The following WDHD1 variants were observed in gnomAD, a reference collection of about 807,000 sequenced individuals.
WDHD1 encodes WD repeat and HMG-box DNA-binding protein 1.
In WDHD1, 111 loss-of-function variants were observed where a neutral mutation model predicts 135.4. That is an observed-to-expected ratio of 0.82 (90% CI 0.70 to 0.96). The LOEUF (loss-of-function observed/expected upper bound fraction) is 0.96. Ranked by LOEUF, WDHD1 falls within the 40% of genes least tolerant of loss-of-function variation. The pLI is 0.00. For synonymous variants in WDHD1, 434 were observed against 439.0 expected (o/e 0.99, Z 0.14); for missense variants, 1,351 against 1,336.3 (o/e 1.01, Z -0.17).
At position 54,944,452 on chromosome 14, in the gene WDHD1, C is replaced by G. The variant is rs1467003029; in HGVS notation, c.3069G>C (p.Gln1023His). 1 of 1,593,202 alleles carries G rather than the reference C, an allele frequency of 6.3e-7. No homozygotes were observed. The highest frequency in any genetic ancestry group is 8.5e-7 in the Non-Finnish European group (1 of 1,174,776). The change falls in exon 25 of 26, where the codon CAG becomes CAC. Residue 1023 changes from glutamine to histidine, a missense_variant. By Grantham distance (24) the Gln-to-His change is conservative. Around this residue, in one of 2 missense-constraint regions of WDHD1, gnomAD observed 1,330 missense variants for 1,296.1 expected, o/e 1.03. Coordinates refer to ENST00000360586, the MANE Select transcript of WDHD1 (RefSeq NM_007086.4). ...TENQRPKTGF[Q>H]MWLEENRSNI... ...TACTTCTATTTTCTTCTAACCACAT[C>G]TGGAACCCGGTCTTTGGCCTAAAAT...
chr14:54,952,882 C>T (rs1350655164), intron 24 of WDHD1, among the ~76,000 whole-genome samples: 3 of 152,130 alleles, frequency 2.0e-5, no homozygotes, highest in African/African-American at 7.2e-5. Flanking sequence ...GGAAAGGATT[C>T]CCTATTTAAT....
At position 54,941,337 on chromosome 14, in the gene WDHD1, C is replaced by T. The variant is rs1048141073; in HGVS notation, c.*153G>A. Reference sequence around the variant, plus strand: ...GTTTTTACATATGTCCTGTTACCTACACCAATATAATTACTACATTATCTT... The same window carrying T: ...GTTTTTACATATGTCCTGTTACCTATACCAATATAATTACTACATTATCTT... On this transcript the variant is annotated 3_prime_UTR_variant, in exon 26 of 26. Coordinates refer to ENST00000360586, the MANE Select transcript of WDHD1 (RefSeq NM_007086.4). The T allele has an allele frequency of 1.3e-5, 8 of 605,184 alleles. No homozygotes were observed. In the South Asian group the frequency reaches 2.3e-4, roughly 17 times the overall value. The allele number at this position is 605,184 out of a possible 1,614,324, so 37.5% of individuals were successfully genotyped here.
intron 24 of WDHD1, among the ~76,000 whole-genome samples, chr14:54,948,003 G>A (rs1260542901): frequency 6.6e-6 from 1 of 151,802 alleles, no homozygotes; most frequent in African/African-American, 2.4e-5. Context: ...ATCACCTGAG[G>A]TCAGGAGTTT....
At chr14:55,007,499 A>G in intron 6 of WDHD1, 124 bp from the exon 7 acceptor site, 1 of 648,896 alleles carries the variant, frequency 1.5e-6, no homozygotes, top group Non-Finnish European at 2.5e-6. Flanking sequence ...AACTTAATGC[A>G]CCTTAATTAT....
rs897827437 is a variant in WDHD1 at position 55,009,454 on chromosome 14, CAG to C, written c.342-737_342-736del. On this transcript the variant is annotated intron_variant, in intron 4 of 25. Coordinates refer to ENST00000360586, the MANE Select transcript of WDHD1 (RefSeq NM_007086.4). ...AATAATTTTTTTTTTTTTTTTGAGACAGAGTTTCACTCTTGTTGCCCAGGCTG... is the reference window on the plus strand; with the variant it reads ...AATAATTTTTTTTTTTTTTTTGAGACAGTTTCACTCTTGTTGCCCAGGCTG... 7.4e-5 allele frequency among the ~76,000 whole-genome samples: 11 copies of C among 148,758 alleles called. 1 individual carries two copies. Among genetic ancestry groups the C allele is most frequent in the South Asian group, 6.3e-4 (3 of 4,752 alleles).
Position 55,010,413 on chromosome 14 carries a change from G to A in WDHD1, c.237C>T (p.His79=). The A allele has an allele frequency of 6.2e-7, 1 of 1,612,906 alleles. No individual in the cohort carries two copies. The highest frequency in any genetic ancestry group is 2.2e-5 in the East Asian group (1 of 44,790). The part of the protein sequence containing the change: ...TAVSNNTIQV[H]TFPEGVPDGI... Reference sequence around the variant, plus strand: ...CATCTGGAACTCCTTCAGGAAATGTGTGGACTTGAATAGTATTATTAGAAA... The same window carrying A: ...CATCTGGAACTCCTTCAGGAAATGTATGGACTTGAATAGTATTATTAGAAA... The change falls in exon 4 of 26, where the codon CAC becomes CAT. Residue 79 remains histidine, a synonymous_variant. Coordinates refer to ENST00000360586, the MANE Select transcript of WDHD1 (RefSeq NM_007086.4).
intron 2 of WDHD1, among the ~76,000 whole-genome samples, chr14:55,016,296 T>G (rs1242025515): frequency 6.6e-6 from 1 of 152,168 alleles, no homozygotes; most frequent in African/African-American, 2.4e-5. Context: ...TCAGTGGTAA[T>G]GAGCTAAAAA....
intron 10 of WDHD1, among the ~76,000 whole-genome samples, chr14:54,996,609 A>G (rs1000868350): frequency 6.6e-6 from 1 of 152,124 alleles, no homozygotes; most frequent in Admixed American, 6.5e-5. Flanking sequence ...CAAAATAAAT[A>G]AATTTTTAGA....
intron 23 of WDHD1, among the ~76,000 whole-genome samples, chr14:54,955,895 CTTTTTTTTTTTT>C (rs71131243): frequency 9.1e-6 from 1 of 110,096 alleles, no homozygotes; most frequent in African/African-American, 3.7e-5. Context: ...CCATGTTTTC[CTTTTTTTTTTTT>C]TTTTTTTTGA....
intron 7 of WDHD1, chr14:55,004,752 C>T (rs2042036022): frequency 2.6e-6 from 1 of 380,902 alleles, no homozygotes; most frequent in African/African-American, 2.1e-5. Flanking sequence ...CGAGCCCGAC[C>T]CAATGTTTAT....
intron 4 of WDHD1, 47 bp from the exon 5 acceptor site, chr14:55,008,766 G>C: frequency 6.1e-6 from 8 of 1,313,366 alleles, no homozygotes; most frequent in Non-Finnish European, 8.6e-6. Context: ...TAACACAAAG[G>C]CCTCTCCTAA....
intron 15 of WDHD1, among the ~76,000 whole-genome samples, chr14:54,982,304 C>T (rs150942989): frequency 0.02 from 2,968 of 152,184 alleles, 55 homozygotes; most frequent in Middle Eastern, 0.044. Context: ...CCACCGCGCC[C>T]GGCCGATAAT....
At chr14:55,004,152 C>G (rs951711425) in intron 7 of WDHD1, among the ~76,000 whole-genome samples, 3 of 152,156 alleles carry the variant, frequency 2.0e-5, no homozygotes, top group African/African-American at 4.8e-5. Flanking sequence ...ATAGACTCAT[C>G]ATGTAGAAGC....
At chr14:54,991,830 A>T (rs2041796904) in intron 11 of WDHD1, among the ~76,000 whole-genome samples, 1 of 152,204 alleles carries the variant, frequency 6.6e-6, no homozygotes, top group South Asian at 2.1e-4. Context: ...ACTTTTACTT[A>T]AAAAACACAT....
At chr14:54,986,637 T>C (rs545047076) in intron 14 of WDHD1, among the ~76,000 whole-genome samples, 13 of 152,240 alleles carry the variant, frequency 8.5e-5, no homozygotes, top group African/African-American at 2.9e-4. Flanking sequence ...GGAAAAATAT[T>C]GAAAGTATGA....
intron 21 of WDHD1, among the ~76,000 whole-genome samples, chr14:54,958,584 A>T (rs2140162721): frequency 6.6e-6 from 1 of 152,256 alleles, no homozygotes; most frequent in African/African-American, 2.4e-5. Context: ...TCTGGTGGAT[A>T]CCTTTCAGTC....
chr14:54,979,747 A>C (rs1223572288), intron 16 of WDHD1, among the ~76,000 whole-genome samples: 4 of 152,254 alleles, frequency 2.6e-5, no homozygotes, highest in Non-Finnish European at 5.9e-5. Context: ...GAATACAGAG[A>C]AAAGTCTCCT....
rs7147147 is a variant in WDHD1, at chr14:54,941,226, G to T, written c.*264C>A. On this transcript the variant is annotated 3_prime_UTR_variant, in exon 26 of 26. Coordinates refer to ENST00000360586, the MANE Select transcript of WDHD1 (RefSeq NM_007086.4). The stretch of plus-strand genomic sequence containing the variant: ...AAGGTTAAGAAACAAATTCAAATTG[G>T]TTGGAGCTTCAACTCAGTAATTACA... 16,561 of 278,118 alleles carry T rather than the reference G, an allele frequency of 0.06. 909 individuals carry two copies. The highest frequency in any genetic ancestry group is 0.18 in the African/African-American group (8,224 of 45,616). 17.2% of individuals were successfully genotyped at this position (278,118 alleles called of 1,614,324 possible). A position where few individuals can be genotyped will look rare whatever the true frequency, so the allele number is the denominator to read the frequency against.
intron 24 of WDHD1, among the ~76,000 whole-genome samples, chr14:54,950,662 G>A (rs943055208): frequency 1.9e-3 from 295 of 152,154 alleles, no homozygotes; most frequent in African/African-American, 5.4e-3. Flanking sequence ...AGACATCTAC[G>A]GAACTCTCCA....
Sources: gnomAD v4.1 joint callset for allele counts (sites outside exome capture counted in the v4.1 genomes callset) on GRCh38, gnomAD v4.1.1 for gene constraint, gnomAD v4.1.1 regional missense constraint, MANE v1.5 for transcripts, NCBI Gene and HGNC (gene_info 2026-07-23, HGNC 2026-07-21) for gene names.